The following BRCA1 variants were observed in gnomAD, a reference collection of about 807,000 sequenced individuals.
BRCA1 encodes the protein BRCA1 DNA repair associated.
A neutral mutation model predicts 173.7 loss-of-function variants in BRCA1; 140 were observed. That is an observed-to-expected ratio of 0.81 (90% CI 0.70 to 0.93). BRCA1 has a LOEUF of 0.93. BRCA1 is among the 40% of genes least tolerant of loss of function. The probability of loss-of-function intolerance (pLI) is 0.00; values close to 1 mark genes in which losing one functional copy is unlikely to be tolerated. For missense variants in BRCA1, 1,983 were observed against 2,172.5 expected (o/e 0.91, Z 1.73); for synonymous variants, 662 against 756.0 (o/e 0.88, Z 2.04).
chr17:43,103,826 G>A (rs1283679058), intron 6 of BRCA1, among the ~76,000 whole-genome samples: 1 of 151,956 alleles, frequency 6.6e-6, no homozygotes, highest in East Asian at 1.9e-4. Context: ...GGTTTTACCG[G>A]CCGGGCACAG....
chr17:43,134,020 C>T (rs1366087170), intron 1 of BRCA1, among the ~76,000 whole-genome samples: 2 of 152,234 alleles, frequency 1.3e-5, no homozygotes, highest in African/African-American at 4.8e-5. Flanking sequence ...TGGCCACTTA[C>T]CAGCCAGTCC....
intron 1 of BRCA1, among the ~76,000 whole-genome samples, chr17:43,146,697 A>G (rs1465731657): frequency 4.1e-4 from 63 of 152,176 alleles, no homozygotes; most frequent in Admixed American, 4.1e-3. Context: ...GAAAGAAAAA[A>G]AAAGAAAAAT....
At chr17:43,059,357 G>A (rs1018788768) in intron 18 of BRCA1, among the ~76,000 whole-genome samples, 9 of 152,012 alleles carry the variant, frequency 5.9e-5, no homozygotes, top group Non-Finnish European at 8.8e-5. Flanking sequence ...CCAGCTACTC[G>A]GGAGGCTGAG....
At chr17:43,138,434 C>T in intron 1 of BRCA1, 1 of 580,516 alleles carries the variant, frequency 1.7e-6, no homozygotes, top group Non-Finnish European at 3.1e-6. Flanking sequence ...AGAATGACAC[C>T]TCTCCAGGCC....
chr17:43,140,014 C>T (rs766825960), intron 1 of BRCA1: 2 of 438,402 alleles, frequency 4.6e-6, no homozygotes, highest in African/African-American at 2.1e-5. Flanking sequence ...TTGGTGGGCT[C>T]CTTATTTGGG....
At chr17:43,149,284 T>TC (rs2056144979) in intron 1 of BRCA1, among the ~76,000 whole-genome samples, 1 of 147,640 alleles carries the variant, frequency 6.8e-6, no homozygotes, top group Non-Finnish European at 1.5e-5. Flanking sequence ...TTTTTTTTTT[T>TC]CTTTGTATTT....
intron 1 of BRCA1, chr17:43,166,473 G>A (rs2056269307): frequency 6.6e-6 from 1 of 152,096 alleles, no homozygotes; most frequent in South Asian, 2.1e-4. Flanking sequence ...TACCTCTAAT[G>A]CTGGCCAGTC....
Position 43,063,968 on chromosome 17 carries a change from A to T in BRCA1, c.5075-17T>A, listed in dbSNP as rs1255322495. The T allele has an allele frequency of 6.2e-7, 1 of 1,612,472 alleles. No individual in the cohort carries two copies. The highest frequency in any genetic ancestry group is 2.2e-5 in the East Asian group (1 of 44,832). ...ACTCAGCATCTGCAGAATGAAAAAC[A>T]CTCAAAGGATTAGAAGTTGAAAACA... On this transcript the variant is annotated splice_polypyrimidine_tract_variant and intron_variant, in intron 16 of 22. Transcript: ENST00000357654.
intron 11 of BRCA1, among the ~76,000 whole-genome samples, chr17:43,090,064 G>A (rs1464639750): frequency 2.0e-5 from 3 of 150,770 alleles, no homozygotes; most frequent in Admixed American, 6.6e-5. Flanking sequence ...AAAAAAAGAA[G>A]AAGAGAAAGA....
intron 1 of BRCA1, chr17:43,159,593 G>A (rs1386536156): frequency 1.3e-5 from 3 of 224,634 alleles, no homozygotes; most frequent in South Asian, 4.8e-5. Context: ...CCTCCCAGAC[G>A]GGGTCGCGGC....
At chr17:43,130,643 C>T (rs2055957555) in intron 1 of BRCA1, among the ~76,000 whole-genome samples, 1 of 152,134 alleles carries the variant, frequency 6.6e-6, no homozygotes, top group Non-Finnish European at 1.5e-5. Context: ...ATTTGAATGA[C>T]ATTTTGAAAG....
intron 6 of BRCA1, among the ~76,000 whole-genome samples, chr17:43,100,700 T>C (rs1224758257): frequency 3.2e-5 from 1 of 30,972 alleles, no homozygotes; most frequent in African/African-American, 6.7e-5. Context: ...TATATATATA[T>C]ATGTAATCCC....
upstream of BRCA1, among the ~76,000 whole-genome samples, chr17:43,126,903 G>C (rs1597927929): frequency 6.6e-6 from 1 of 152,226 alleles, no homozygotes; most frequent in East Asian, 1.9e-4. Flanking sequence ...AGTTCCAGGT[G>C]GGCGCGGGCT....
upstream of BRCA1, among the ~76,000 whole-genome samples, chr17:43,127,485 ACT>A (rs2055920273): frequency 6.6e-6 from 1 of 151,638 alleles, no homozygotes; most frequent in African/African-American, 2.4e-5. Context: ...ACCAATCAGC[ACT>A]CTGTGTCTAG....
chr17:43,121,049 G>A (rs758452509), intron 2 of BRCA1, among the ~76,000 whole-genome samples: 175 of 135,226 alleles, frequency 1.3e-3, no homozygotes, highest in Non-Finnish European at 2.0e-3. Context: ...CAGCCTGGGC[G>A]ACAGAGCCAG....
rs1555582079 is a variant in BRCA1, at chr17:43,074,513, G to C, written c.4493C>G (p.Pro1498Arg). The change falls in exon 14 of 23, where the codon CCT becomes CGT. Residue 1498 changes from proline (P) to arginine (R), a missense_variant. Pro to Arg is a moderately radical substitution (Grantham distance 103, BLOSUM62 -2). Coordinates refer to ENST00000357654, the MANE Select transcript of BRCA1 (RefSeq NM_007294.4). ...ATCATCTAATGATGGGCATTTAGAA[G>C]GGGATGACCTAGAAAGATAAATGGA... is the stretch of plus-strand genomic sequence containing the variant. The part of the protein sequence containing the change: ...NKEPGVERSS[P>R]SKCPSLDDRW... The C allele has an allele frequency of 1.2e-6, 2 of 1,613,682 alleles. No homozygotes were observed. Among genetic ancestry groups the C allele is most frequent in the Non-Finnish European group, 1.7e-6 (2 of 1,179,590 alleles).
intron 22 of BRCA1, among the ~76,000 whole-genome samples, chr17:43,046,222 C>CTTTT (rs71157698): frequency 3.8e-4 from 26 of 68,344 alleles, no homozygotes; most frequent in African/African-American, 5.2e-4. Context: ...TGCACCTGGC[C>CTTTT]TTTTTTTTTT....
At chr17:43,095,447 T>A (rs2054091668) in intron 9 of BRCA1, among the ~76,000 whole-genome samples, 1 of 151,994 alleles carries the variant, frequency 6.6e-6, no homozygotes, top group Non-Finnish European at 1.5e-5. Flanking sequence ...CCGGGTGTGG[T>A]GGCATGCGCC....
chr17:43,130,730 T>C (rs1479698878), intron 1 of BRCA1, among the ~76,000 whole-genome samples: 1 of 152,202 alleles, frequency 6.6e-6, no homozygotes, highest in Non-Finnish European at 1.5e-5. Flanking sequence ...TAGACCTATT[T>C]TACAGATTAA....
Sources: gnomAD v4.1 joint callset for allele counts (sites outside exome capture counted in the v4.1 genomes callset) on GRCh38, gnomAD v4.1.1 for gene constraint, MANE v1.5 for transcripts, NCBI Gene and HGNC (gene_info 2026-07-23, HGNC 2026-07-21) for gene names.